The following MCF2L2 variants were observed in gnomAD, a reference collection of about 807,000 sequenced individuals.
The protein encoded by MCF2L2 is probable guanine nucleotide exchange factor MCF2L2.
MCF2L2 carries 102 observed loss-of-function variants against 150.2 expected under a neutral mutation model. The ratio of observed to expected loss-of-function variants is 0.68; its 90% confidence interval spans 0.58 to 0.80. The LOEUF is 0.80. Ranked by LOEUF, MCF2L2 falls within the 30% of genes least tolerant of loss-of-function variation. The probability of loss-of-function intolerance (pLI) is 0.00; values close to 1 mark genes in which losing one functional copy is unlikely to be tolerated. For synonymous variants in MCF2L2, 465 were observed against 491.3 expected, an observed-to-expected ratio of 0.95 and a Z score of 0.71; for missense variants, 1,256 against 1,372.8, an observed-to-expected ratio of 0.91 and a Z score of 1.34.
At chr3:183,409,473 C>G (rs1043403085) in intron 1 of MCF2L2, among the ~76,000 whole-genome samples, 1 of 151,270 alleles carries the variant, frequency 6.6e-6, no homozygotes, top group African/African-American at 2.4e-5. Flanking sequence ...TACCATTAAA[C>G]TTAATTAAAT....
intron 9 of MCF2L2, 104 bp downstream of exon 9, chr3:183,310,811 G>T: frequency 1.4e-6 from 1 of 732,582 alleles, no homozygotes; most frequent in Non-Finnish European, 2.3e-6. Flanking sequence ...GAGAAAGCTG[G>T]ATTAGGGAAA....
intron 22 of MCF2L2, among the ~76,000 whole-genome samples, chr3:183,211,624 C>A (rs1722726806): frequency 6.6e-6 from 1 of 152,242 alleles, no homozygotes; most frequent in Non-Finnish European, 1.5e-5. Flanking sequence ...CAAGAATGAC[C>A]TTTTCCGTCA....
chr3:183,180,037 A>C (rs1228834928), intron 28 of MCF2L2, 34 bp downstream of exon 28: 1 of 1,508,632 alleles, frequency 6.6e-7, no homozygotes, highest in South Asian at 1.1e-5. Flanking sequence ...GGAAGGAGGG[A>C]AGAAGATGAA....
intron 15 of MCF2L2, chr3:183,273,271 T>TA (rs1369597260): frequency 5.8e-6 from 2 of 347,176 alleles, no homozygotes; most frequent in Non-Finnish European, 1.1e-5. Context: ...TCCATATTGT[T>TA]AATTTTATAC....
chr3:183,261,625 T>C (rs1479585611), intron 15 of MCF2L2, among the ~76,000 whole-genome samples: 2 of 152,206 alleles, frequency 1.3e-5, no homozygotes, highest in South Asian at 2.1e-4. Flanking sequence ...AAGTATTAAA[T>C]TGATTTTTTA....
chr3:183,195,841 G>A (rs1722065650), intron 25 of MCF2L2, among the ~76,000 whole-genome samples: 1 of 152,108 alleles, frequency 6.6e-6, no homozygotes, highest in Non-Finnish European at 1.5e-5. Context: ...CACTGAATGT[G>A]CTCACTTCGA....
intron 6 of MCF2L2, among the ~76,000 whole-genome samples, chr3:183,322,175 T>G (rs1729839511): frequency 6.6e-6 from 1 of 152,230 alleles, no homozygotes. Context: ...AGTTTTGATC[T>G]TTTTCCTCAA....
chr3:183,425,430 C>G (rs545242679), intron 1 of MCF2L2, among the ~76,000 whole-genome samples: 1 of 150,504 alleles, frequency 6.6e-6, no homozygotes, highest in Non-Finnish European at 1.5e-5. Flanking sequence ...CTCCAAGCAC[C>G]TCTCAAACCT....
chr3:183,381,587 CATGAGTCTCTT>C (rs1713529775), intron 2 of MCF2L2, among the ~76,000 whole-genome samples: 3 of 152,322 alleles, frequency 2.0e-5, no homozygotes, highest in African/African-American at 7.2e-5. Context: ...GGTTTTTCTG[CATGAGTCTCTT>C]GTGAGTGTTG....
chr3:183,281,008 G>A (rs1054159897), intron 14 of MCF2L2, among the ~76,000 whole-genome samples: 8 of 152,032 alleles, frequency 5.3e-5, no homozygotes, highest in South Asian at 2.1e-4. Flanking sequence ...TCAAGGGCCC[G>A]TGCCACCTTC....
In MCF2L2 at chr3:183,257,958, C is replaced by CTTTTTTTTTTTTTTT. The variant is rs35323502; in HGVS notation, c.1862+18899_1862+18913dup. ...TATTCCTTGCTCCCTCCACTTCACC[C>CTTTTTTTTTTTTTTT]TTTTTTTTTTTTTTTTTTTTTTTTT... On this transcript the variant is annotated intron_variant, in intron 15 of 29. Transcript: ENST00000328913. 1.5e-4 allele frequency among the ~76,000 whole-genome samples: 10 copies of CTTTTTTTTTTTTTTT among 64,742 alleles called. 1 individual carries two copies. The highest frequency in any genetic ancestry group is 5.6e-4 in the African/African-American group (8 of 14,400). 42.5% of individuals were successfully genotyped at this position (64,742 alleles called of 152,430 possible). A position where few individuals can be genotyped will look rare whatever the true frequency, so the allele number is the denominator to read the frequency against.
rs773776296 is a variant in MCF2L2, at chr3:183,288,981, C to T, written c.1776+139G>A. 14 of 566,672 alleles carry T rather than the reference C, an allele frequency of 2.5e-5. No homozygotes were observed. The East Asian group carries it at 3.1e-4, about 13-fold the overall frequency. The allele number at this position is 566,672 out of a possible 1,614,324, so 35.1% of individuals were successfully genotyped here. ...AAAAGAAAAAAAATCCTATAAACCC[C>T]AGTTCTTGAAAGCATTAGTCTGTGC... On this transcript the variant is annotated intron_variant, in intron 14 of 29. Coordinates refer to ENST00000328913, the MANE Select transcript of MCF2L2 (RefSeq NM_015078.4).
chr3:183,379,053 C>T (rs1461047776), intron 3 of MCF2L2: 1 of 427,504 alleles, frequency 2.3e-6, no homozygotes, highest in African/African-American at 2.1e-5. Flanking sequence ...ATCCACCCGA[C>T]CATGTTTACT....
intron 22 of MCF2L2, among the ~76,000 whole-genome samples, chr3:183,213,028 T>C (rs1440699627): frequency 6.6e-6 from 1 of 151,918 alleles, no homozygotes; most frequent in African/African-American, 2.4e-5. Flanking sequence ...CTTAGCCCTA[T>C]CTCTGCAGCT....
intron 1 of MCF2L2, among the ~76,000 whole-genome samples, chr3:183,412,774 T>G (rs1311447491): frequency 6.6e-6 from 1 of 152,178 alleles, no homozygotes; most frequent in Non-Finnish European, 1.5e-5. Context: ...TGAATAGAAG[T>G]GGTGAGGACG....
At chr3:183,229,811 C>T in intron 16 of MCF2L2, 30 bp from the exon 17 acceptor site, 1 of 930,348 alleles carries the variant, frequency 1.1e-6, no homozygotes, top group Admixed American at 2.2e-5. Context: ...GTAGGTGTTA[C>T]AAACAGGAAC....
chr3:183,361,007 A>G (rs1712129469), intron 3 of MCF2L2, among the ~76,000 whole-genome samples: 79 of 132,900 alleles, frequency 5.9e-4, no homozygotes, highest in African/African-American at 2.5e-3. Context: ...AGAAAAGAAA[A>G]GAAAAGAAAA....
At chr3:183,289,622 G>A (rs989984325) in intron 13 of MCF2L2, among the ~76,000 whole-genome samples, 4 of 152,198 alleles carry the variant, frequency 2.6e-5, no homozygotes, top group African/African-American at 7.2e-5. Context: ...TTGGGAGGCT[G>A]AGGCGGGCAG....
At chr3:183,348,838 G>A (rs1226983216) in intron 3 of MCF2L2, among the ~76,000 whole-genome samples, 3 of 152,292 alleles carry the variant, frequency 2.0e-5, no homozygotes, top group African/African-American at 7.2e-5. Flanking sequence ...AAATGTCTAA[G>A]CGTACAATAA....
Sources: allele counts gnomAD v4.1 joint callset (sites outside exome capture counted in the v4.1 genomes callset), GRCh38; gene constraint gnomAD v4.1.1; transcripts MANE v1.5; gene names NCBI Gene and HGNC (gene_info 2026-07-23, HGNC 2026-07-21).